The following ADH4 variants were observed in gnomAD, a reference collection of about 807,000 sequenced individuals.
The protein encoded by ADH4 is all-trans-retinol dehydrogenase [NAD(+)] ADH4.
A neutral mutation model predicts 35.2 loss-of-function variants in ADH4; 31 were observed. The ratio of observed to expected loss-of-function variants is 0.88; its 90% CI spans 0.66 to 1.19. ADH4 has a LOEUF of 1.19. ADH4 is among the 50% of genes most tolerant of loss of function. The probability of loss-of-function intolerance (pLI) is 0.00; values close to 1 mark genes in which losing one functional copy is unlikely to be tolerated. For missense variants in ADH4, 476 were observed against 458.3 expected (o/e 1.04, Z -0.35); for synonymous variants, 171 against 160.2 (o/e 1.07, Z -0.51).
intron 8 of ADH4, among the ~76,000 whole-genome samples, 185 bp from the exon 9 acceptor site, chr4:99,124,651 T>C (rs1323639042): frequency 2.0e-5 from 3 of 152,206 alleles, no homozygotes; most frequent in Non-Finnish European, 4.4e-5. Flanking sequence ...ATTTTATGCA[T>C]GTGCTAGTAA....
Position 99,127,363 on chromosome 4 carries a change from G to C in ADH4, c.844-19C>G. On this transcript the variant is annotated intron_variant, in intron 6 of 8. Transcript: ENST00000265512. ...CTGCTTTCTGTGATGGAGCATAAAA[G>C]AATACTTGAGTCAGTGGAAAAGTAG... 1 of 1,565,134 alleles carries C rather than the reference G, an allele frequency of 6.4e-7. No homozygotes were observed. The highest frequency in any genetic ancestry group is 1.2e-5 in the South Asian group (1 of 82,110).
Position 99,128,872 on chromosome 4 carries a change from T to A in ADH4, c.844-1528A>T, listed in dbSNP as rs141472201. The stretch of plus-strand genomic sequence containing the variant: ...TACAGTGGAGTGGCGTGATCATAGC[T>A]CACTGCAGCCTCAACTTCCTGGGCT... On this transcript the variant is annotated intron_variant, in intron 6 of 8. Coordinates refer to ENST00000265512, the MANE Select transcript of ADH4 (RefSeq NM_000670.5). 3.5e-3 allele frequency among the ~76,000 whole-genome samples: 530 copies of A among 152,192 alleles called. 2 individuals carry two copies. Among genetic ancestry groups the A allele is most frequent in the African/African-American group, 0.012 (515 of 41,528 alleles).
intron 2 of ADH4, among the ~76,000 whole-genome samples, chr4:99,142,087 G>A (rs1729642908): frequency 6.6e-6 from 1 of 152,182 alleles, no homozygotes. Context: ...GGTTCTGTCA[G>A]TGAGAATGTC....
intron 6 of ADH4, among the ~76,000 whole-genome samples, chr4:99,128,972 A>G (rs1266143259): frequency 6.6e-6 from 1 of 151,878 alleles, no homozygotes; most frequent in Admixed American, 6.6e-5. Context: ...ACTAATTTTC[A>G]TATTTTTAGT....
Position 99,127,226 on chromosome 4 carries a change from T to C in ADH4, c.962A>G (p.Asn321Ser). Residue 321 changes from asparagine (N) to serine (S), a missense_variant, in exon 7 of 9, where the codon AAT (asparagine) becomes AGT (serine). Transcript: ENST00000265512. ...AAACTGACCACCAAAGAATGTTCCA[T>C]TTATAGTACGGCCGATTATTAGCTC... ...PEELIIGRTI[N>S]GTFFGGWKSV... 6.2e-7 allele frequency: 1 copy of C among 1,609,172 alleles called. No homozygotes were observed. Among genetic ancestry groups the C allele is most frequent in the Non-Finnish European group, 8.5e-7 (1 of 1,177,898 alleles).
At chr4:99,135,673 C>T (rs1413105426) in intron 5 of ADH4, among the ~76,000 whole-genome samples, 3 of 152,096 alleles carry the variant, frequency 2.0e-5, no homozygotes, top group Non-Finnish European at 4.4e-5. Flanking sequence ...AGTAGGAAGT[C>T]ACTGTAGCCT....
intron 5 of ADH4, among the ~76,000 whole-genome samples, chr4:99,136,020 C>A (rs1367482771): frequency 1.3e-5 from 2 of 152,082 alleles, no homozygotes; most frequent in African/African-American, 4.8e-5. Context: ...TGAATTACTA[C>A]TGATGGAGGG....
At chr4:99,142,206 T>C (rs1319195282) in intron 2 of ADH4, among the ~76,000 whole-genome samples, 2 of 152,204 alleles carry the variant, frequency 1.3e-5, no homozygotes, top group Non-Finnish European at 2.9e-5. Flanking sequence ...ATCAGTGATC[T>C]CACTCCATTC....
intron 4 of ADH4, among the ~76,000 whole-genome samples, chr4:99,136,915 G>C (rs745981489): frequency 6.6e-6 from 1 of 151,530 alleles, no homozygotes; most frequent in Non-Finnish European, 1.5e-5. Flanking sequence ...AAAGTGACAG[G>C]GTGTCATTTC....
chr4:99,126,879 TATATC>T (rs1729111258), intron 7 of ADH4, 147 bp from the exon 8 acceptor site: 2 of 677,684 alleles, frequency 3.0e-6, no homozygotes, highest in Non-Finnish European at 4.3e-6. Context: ...TTTCTGTACT[TATATC>T]TATTTTAAAA....
At chr4:99,139,181 T>C (rs758258390) in intron 3 of ADH4, 33 bp from the exon 4 acceptor site, 78 of 1,461,384 alleles carry the variant, frequency 5.3e-5, no homozygotes, top group Non-Finnish European at 7.3e-5. Flanking sequence ...GGATGGTGCC[T>C]AAGGTGTTAC....
chr4:99,143,429 G>A, intron 1 of ADH4: 1 of 397,112 alleles, frequency 2.5e-6, no homozygotes, highest in Non-Finnish European at 4.5e-6. Context: ...AAGAATTTGG[G>A]TAAAGATGAA....
At chr4:99,127,810 T>TCA (rs1245086437) in intron 6 of ADH4, among the ~76,000 whole-genome samples, 3 of 150,026 alleles carry the variant, frequency 2.0e-5, no homozygotes, top group Admixed American at 6.7e-5. Context: ...GCAGCCTGGG[T>TCA]CACAGAGTGA....
chr4:99,138,743 A>G (rs1262044992), intron 4 of ADH4, among the ~76,000 whole-genome samples: 2 of 152,176 alleles, frequency 1.3e-5, no homozygotes, highest in Non-Finnish European at 2.9e-5. Flanking sequence ...TTTTATGTTA[A>G]TACATGCAGC....
At chr4:99,136,750 G>T in intron 4 of ADH4, 53 bp from the exon 5 acceptor site, 2 of 1,121,714 alleles carry the variant, frequency 1.8e-6, no homozygotes, top group South Asian at 1.4e-5. Context: ...ATAATAAATG[G>T]AACACTGATC....
chr4:99,139,256 A>C, intron 3 of ADH4, 108 bp from the exon 4 acceptor site: 1 of 680,648 alleles, frequency 1.5e-6, no homozygotes, highest in Non-Finnish European at 2.5e-6. Flanking sequence ...TTTTATATTC[A>C]GTGGAAAGTA....
In ADH4 at chr4:99,139,070, CCACA is replaced by C. The variant is rs1288318967; in HGVS notation, c.337_340del (p.Cys113GlyfsTer15). ...AGTGTAGAGTGCTTACCTGATTTTC[CCACA>C]CAAATTTGTGAGTGGACTCAGACAA... On this transcript the variant is annotated frameshift_variant, in exon 4 of 9. Transcript: ENST00000265512. LOFTEE classifies it high-confidence loss of function. 1 of 1,611,624 alleles carries C rather than the reference CCACA, an allele frequency of 6.2e-7. No individual in the cohort carries two copies. Among genetic ancestry groups the C allele is most frequent in the Middle Eastern group, 1.7e-4 (1 of 6,034 alleles).
intron 5 of ADH4, among the ~76,000 whole-genome samples, chr4:99,134,893 C>G (rs1729389328): frequency 6.6e-6 from 1 of 150,738 alleles, no homozygotes; most frequent in Non-Finnish European, 1.5e-5. Context: ...CTGAACAACT[C>G]TAGGTAACCT....
chr4:99,141,334 A>C (rs948535706), intron 3 of ADH4, among the ~76,000 whole-genome samples: 1 of 152,184 alleles, frequency 6.6e-6, no homozygotes, highest in African/African-American at 2.4e-5. Flanking sequence ...AAGTGACCAC[A>C]TTTCCTAGAT....
Sources: gnomAD v4.1 joint callset for allele counts (sites outside exome capture counted in the v4.1 genomes callset) on GRCh38, gnomAD v4.1.1 for gene constraint, MANE v1.5 for transcripts, NCBI Gene and HGNC (gene_info 2026-07-23, HGNC 2026-07-21) for gene names.